Variants in SLC7A14 observed in about 807,000 individuals in gnomAD.
SLC7A14 encodes the protein solute carrier family 7 member 14, also known as gamma-aminobutyric acid transporter SLC7A14.
SLC7A14 carries 37 observed loss-of-function variants against 60.2 expected under a neutral mutation model. The observed-to-expected ratio is 0.61, with a 90% CI of 0.47 to 0.81. The LOEUF is 0.81. Among genes scored for constraint, SLC7A14 ranks in the 30% least tolerant of loss-of-function variants. The pLI is 0.00. For missense variants in SLC7A14, 886 were observed against 982.7 expected, an observed-to-expected ratio of 0.90 and a Z score of 1.32; for synonymous variants, 399 against 395.8, an observed-to-expected ratio of 1.01 and a Z score of -0.10.
At position 170,559,513 on chromosome 3, in the gene SLC7A14, A is replaced by T. The variant is rs562400644; in HGVS notation, c.-153+26398T>A. On this transcript the variant is annotated intron_variant, in intron 1 of 7. Coordinates refer to ENST00000231706, the MANE Select transcript of SLC7A14 (RefSeq NM_020949.3). ...TTTTTATATAAGAGATGCGGCAGTC[A>T]CAATGTGATTTTTTGTTCAGTTTCT... is the stretch of plus-strand genomic sequence containing the variant. Among the ~76,000 whole-genome samples the T allele has an allele frequency of 4.6e-5, 7 of 152,354 alleles. No individual in the cohort carries two copies. In the East Asian group the frequency reaches 1.3e-3, roughly 29 times the overall value.
intron 1 of SLC7A14, among the ~76,000 whole-genome samples, chr3:170,580,297 T>TATCTCTTG (rs1397905925): frequency 2.0e-5 from 3 of 152,236 alleles, no homozygotes; most frequent in Admixed American, 2.0e-4. Flanking sequence ...CAGTTCTCTT[T>TATCTCTTG]ATCTCTTGGG....
intron 1 of SLC7A14, among the ~76,000 whole-genome samples, chr3:170,542,488 C>T (rs1343798949): frequency 1.3e-5 from 2 of 152,228 alleles, no homozygotes; most frequent in Non-Finnish European, 2.9e-5. Flanking sequence ...CCCCATTCTG[C>T]CTCTTGCATG....
rs915157993 is a variant in SLC7A14 at position 170,549,738 on chromosome 3, C to A, written c.-152-22650G>T. On this transcript the variant is annotated intron_variant, in intron 1 of 7. Transcript: ENST00000231706. ...CCTTTGAGAATAAACAATGGTTCCC[C>A]AGGTCACCTCCACATTTTACTTTTT... 2.0e-5 allele frequency among the ~76,000 whole-genome samples: 3 copies of A among 152,260 alleles called. No homozygotes were observed. In the East Asian group the frequency reaches 5.8e-4, roughly 29 times the overall value.
chr3:170,504,467 T>C (rs1376143413), intron 2 of SLC7A14, among the ~76,000 whole-genome samples: 2 of 152,078 alleles, frequency 1.3e-5, no homozygotes, highest in African/African-American at 4.8e-5. Flanking sequence ...ACTACAGGCA[T>C]GCACCACTAT....
intron 1 of SLC7A14, among the ~76,000 whole-genome samples, chr3:170,551,829 G>A (rs1208670994): frequency 6.6e-6 from 1 of 152,008 alleles, no homozygotes; most frequent in Non-Finnish European, 1.5e-5. Context: ...ACCATTCTGT[G>A]CTTTTCCTTT....
At chr3:170,554,183 C>T (rs1714428101) in intron 1 of SLC7A14, among the ~76,000 whole-genome samples, 1 of 152,096 alleles carries the variant, frequency 6.6e-6, no homozygotes, top group African/African-American at 2.4e-5. Context: ...GAGACATTTG[C>T]CAGCTCTTCT....
rs748987280 is a variant in SLC7A14 at position 170,462,386 on chromosome 3, A to T, written c.*4669T>A. The T allele has an allele frequency of 2.0e-5, 3 of 152,212 alleles. No individual in the cohort carries two copies. Among genetic ancestry groups the T allele is most frequent in the Non-Finnish European group, 4.4e-5 (3 of 68,030 alleles). 9.4% of individuals were successfully genotyped at this position (152,212 alleles called of 1,614,324 possible). A position where few individuals can be genotyped will look rare whatever the true frequency, so the allele number is the denominator to read the frequency against. ...GTCAGGTTTACCAACCCTTTTCAGC[A>T]GAATAGAGGAGAGAGATTTCTTTGA... On this transcript the variant is annotated 3_prime_UTR_variant, in exon 8 of 8. Transcript: ENST00000231706.
intron 1 of SLC7A14, among the ~76,000 whole-genome samples, chr3:170,556,074 C>T (rs943197425): frequency 6.6e-6 from 1 of 152,182 alleles, no homozygotes; most frequent in Non-Finnish European, 1.5e-5. Context: ...AGTGGGTGTA[C>T]CACAAATGTT....
intron 1 of SLC7A14, among the ~76,000 whole-genome samples, chr3:170,583,870 T>C (rs1450333557): frequency 6.6e-6 from 1 of 152,118 alleles, no homozygotes; most frequent in East Asian, 1.9e-4. Context: ...GTGAACGGAT[T>C]AAAGAGAAAA....
rs1711790917 is a variant in SLC7A14 at position 170,480,899 on chromosome 3, C to T, written c.1383G>A (p.Lys461=). 1 of 1,613,936 alleles carries T rather than the reference C, an allele frequency of 6.2e-7. No individual in the cohort carries two copies. The highest frequency in any genetic ancestry group is 8.5e-7 in the Non-Finnish European group (1 of 1,180,036). Residue 461 remains lysine (K), a synonymous_variant, in exon 7 of 8, where the codon AAG becomes AAA. Transcript: ENST00000231706. Reference sequence around the variant, plus strand: ...CCTCACTCACAGGAGAACAAGCTTCCTTCTCACAGTCAGCCAGAATGCCCT... The same window carrying T: ...CCTCACTCACAGGAGAACAAGCTTCTTTCTCACAGTCAGCCAGAATGCCCT... ...KKEGILADCE[K]EACSPVSEGD...
chr3:170,518,719 C>A (rs1271874180), intron 2 of SLC7A14, among the ~76,000 whole-genome samples: 2 of 152,082 alleles, frequency 1.3e-5, no homozygotes, highest in African/African-American at 4.8e-5. Context: ...TGGAGAATGA[C>A]CAGGATGAAC....
At chr3:170,557,651 C>T (rs964179112) in intron 1 of SLC7A14, among the ~76,000 whole-genome samples, 10 of 152,118 alleles carry the variant, frequency 6.6e-5, no homozygotes, top group Non-Finnish European at 1.3e-4. Context: ...ACCAGCTGTG[C>T]GATCTTGTTA....
chr3:170,569,102 A>T (rs1577569887), intron 1 of SLC7A14, among the ~76,000 whole-genome samples: 1 of 152,100 alleles, frequency 6.6e-6, no homozygotes, highest in Non-Finnish European at 1.5e-5. Context: ...TTTCAAAGGG[A>T]ATGCTTCCAG....
At chr3:170,481,333 C>T (rs1163638424) in intron 6 of SLC7A14, among the ~76,000 whole-genome samples, 167 bp from the exon 7 acceptor site, 2 of 151,914 alleles carry the variant, frequency 1.3e-5, no homozygotes, top group African/African-American at 4.8e-5. Flanking sequence ...AGCTGCTATT[C>T]CTACCCCAGG....
chr3:170,525,646 A>G (rs894361916), intron 2 of SLC7A14, among the ~76,000 whole-genome samples: 1 of 151,980 alleles, frequency 6.6e-6, no homozygotes, highest in Non-Finnish European at 1.5e-5. Flanking sequence ...ACTGTCCCTC[A>G]AGAGGATTGA....
chr3:170,483,490 AT>A lies in SLC7A14; in HGVS notation c.938del (p.Tyr313PhefsTer25). ...GTGGGGATTCCGTGTCAATGGTATAATATGGCACCATCAGAGTTAAGATCAC... is the reference window on the plus strand; with the variant it reads ...GTGGGGATTCCGTGTCAATGGTATAAATGGCACCATCAGAGTTAAGATCAC... ...VSVILTLMVP[Y>X]YTIDTESPLM... On this transcript the variant is annotated frameshift_variant, in exon 6 of 8. Coordinates refer to ENST00000231706, the MANE Select transcript of SLC7A14 (RefSeq NM_020949.3). LOFTEE classifies it high-confidence loss of function. 1 of 1,614,210 alleles carries A rather than the reference AT, an allele frequency of 6.2e-7. No homozygotes were observed. The highest frequency in any genetic ancestry group is 8.5e-7 in the Non-Finnish European group (1 of 1,180,032).
intron 1 of SLC7A14, among the ~76,000 whole-genome samples, chr3:170,547,254 A>G (rs971044771): frequency 6.6e-6 from 1 of 152,230 alleles, no homozygotes; most frequent in Non-Finnish European, 1.5e-5. Flanking sequence ...TCTTTTATGA[A>G]AAGAAAATAT....
At position 170,480,305 on chromosome 3, in the gene SLC7A14, C is replaced by T. The variant is rs746707738; in HGVS notation, c.1977G>A (p.Ala659=). 5.2e-6 allele frequency: 8 copies of T among 1,535,942 alleles called. No individual in the cohort carries two copies. The highest frequency in any genetic ancestry group is 1.8e-4 in the Middle Eastern group (1 of 5,694). Residue 659 remains alanine (A), a synonymous_variant, in exon 7 of 8, where the codon GCG becomes GCA. Coordinates refer to ENST00000231706, the MANE Select transcript of SLC7A14 (RefSeq NM_020949.3). ...GTTGCTTACCCACAAAGCACCAGAC[C>T]GCAAACCGGATCCATGTGATGGTGG... The part of the protein sequence containing the change: ...KLSTITWIRF[A]VWCFVGLLIY...
At chr3:170,549,295 A>G (rs1336080259) in intron 1 of SLC7A14, among the ~76,000 whole-genome samples, 1 of 150,680 alleles carries the variant, frequency 6.6e-6, no homozygotes, top group Non-Finnish European at 1.5e-5. Context: ...GCTCACTGCA[A>G]CCGCTGCCTC....
Sources: allele counts gnomAD v4.1 joint callset (sites outside exome capture counted in the v4.1 genomes callset), GRCh38; gene constraint gnomAD v4.1.1; transcripts MANE v1.5; gene names NCBI Gene and HGNC (gene_info 2026-07-23, HGNC 2026-07-21).